Variants in TSPAN9 observed in about 807,000 individuals in gnomAD.
TSPAN9 encodes the protein tetraspanin-9.
Under a neutral mutation model 31.0 loss-of-function variants are expected in TSPAN9, and 16 were observed. The observed-to-expected ratio is 0.52, with a 90% CI of 0.35 to 0.78. The LOEUF is 0.78. Among genes scored for constraint, TSPAN9 ranks in the 30% least tolerant of loss-of-function variants. The pLI, the probability that TSPAN9 is intolerant of heterozygous loss-of-function variation, is 0.01. For synonymous variants in TSPAN9, 145 were observed against 121.6 expected (o/e 1.19, Z -1.27); for missense variants, 272 against 312.5 (o/e 0.87, Z 0.98).
chr12:3,228,539 A>G (rs1311815940), intron 3 of TSPAN9, among the ~76,000 whole-genome samples: 1 of 152,142 alleles, frequency 6.6e-6, no homozygotes, highest in Non-Finnish European at 1.5e-5. Context: ...TCCCCACCCC[A>G]TGGGGTGGAT....
chr12:3,117,681 G>T (rs546215785), intron 2 of TSPAN9, among the ~76,000 whole-genome samples: 14 of 152,282 alleles, frequency 9.2e-5, no homozygotes, highest in African/African-American at 3.4e-4. Context: ...GCTCCAGGCT[G>T]ATTTACATAA....
intron 3 of TSPAN9, among the ~76,000 whole-genome samples, chr12:3,256,741 A>G (rs930803132): frequency 2.6e-5 from 4 of 152,090 alleles, no homozygotes; most frequent in Non-Finnish European, 5.9e-5. Context: ...AGTCACGACT[A>G]TTTCGCATTG....
In TSPAN9 at chr12:3,192,342, A is replaced by G. The variant is rs77391676; in HGVS notation, c.-17-8835A>G. Among the ~76,000 whole-genome samples, 14,290 of 152,108 alleles carry G rather than the reference A, an allele frequency of 0.094. 988 individuals carry two copies. Among genetic ancestry groups the G allele is most frequent in the Admixed American group, 0.22 (3,363 of 15,282 alleles). On this transcript the variant is annotated intron_variant, in intron 2 of 8. Coordinates refer to ENST00000011898, the MANE Select transcript of TSPAN9 (RefSeq NM_006675.5). The surrounding 1 kb of genome is among the most constrained non-coding windows in gnomAD (Gnocchi z 4.6). The stretch of plus-strand genomic sequence containing the variant: ...ATGGGTGGGCGCAGGAGGGAATGGA[A>G]GGCTGCAGGGGCTGCCGCAGGACCC...
chr12:3,174,824 C>T (rs916034591), intron 2 of TSPAN9, among the ~76,000 whole-genome samples: 10 of 151,544 alleles, frequency 6.6e-5, no homozygotes, highest in African/African-American at 2.2e-4. Flanking sequence ...CCTCGTGATC[C>T]TCCCGCCTCG....
At chr12:3,219,107 G>C (rs1328256427) in intron 3 of TSPAN9, among the ~76,000 whole-genome samples, 1 of 152,228 alleles carries the variant, frequency 6.6e-6, no homozygotes, top group Non-Finnish European at 1.5e-5. Context: ...CCCGTGGGCG[G>C]CCGGGGGAGG....
rs972991268 is a variant in TSPAN9, at chr12:3,190,388, C to A, written c.-17-10789C>A. 4.6e-5 allele frequency among the ~76,000 whole-genome samples: 7 copies of A among 152,404 alleles called. No individual in the cohort carries two copies. In the East Asian group the frequency reaches 5.8e-4, roughly 13 times the overall value. ...CTTATCTCATCCTCCCCGCAGCCAC[C>A]TGCCTTCCTTGATAAGTACTAATAA... On this transcript the variant is annotated intron_variant, in intron 2 of 8. Coordinates refer to ENST00000011898, the MANE Select transcript of TSPAN9 (RefSeq NM_006675.5).
intron 3 of TSPAN9, among the ~76,000 whole-genome samples, chr12:3,226,147 G>T (rs905089597): frequency 2.0e-5 from 3 of 152,068 alleles, no homozygotes; most frequent in Non-Finnish European, 4.4e-5. Flanking sequence ...AGTGCAGAGG[G>T]AGGAGATGGG....
At position 3,098,559 on chromosome 12, in the gene TSPAN9, G is replaced by A. The variant is rs564272909; in HGVS notation, c.-18+14840G>A. The stretch of plus-strand genomic sequence containing the variant: ...CCTGAGACCCACAGAGCCTGCTGGG[G>A]ACTGACATCTGCTCCCATCCAGCCT... On this transcript the variant is annotated intron_variant, in intron 2 of 8. Coordinates refer to ENST00000011898, the MANE Select transcript of TSPAN9 (RefSeq NM_006675.5). 2.4e-3 allele frequency among the ~76,000 whole-genome samples: 367 copies of A among 152,306 alleles called. 2 individuals carry two copies. The highest frequency in any genetic ancestry group is 3.7e-3 in the Non-Finnish European group (252 of 68,028).
At chr12:3,176,041 C>G (rs542839834) in intron 2 of TSPAN9, among the ~76,000 whole-genome samples, 253 of 152,312 alleles carry the variant, frequency 1.7e-3, no homozygotes, top group African/African-American at 5.4e-3. Context: ...GAATGAGATT[C>G]GTCCCAGCCC....
chr12:3,107,317 C>T lies in TSPAN9; in HGVS notation c.-18+23598C>T, dbSNP rs1477545532. 2.6e-5 allele frequency among the ~76,000 whole-genome samples: 4 copies of T among 152,148 alleles called. No individual in the cohort carries two copies. The highest frequency in any genetic ancestry group is 4.1e-4 in the South Asian group (2 of 4,828). On this transcript the variant is annotated intron_variant, in intron 2 of 8. Coordinates refer to ENST00000011898, the MANE Select transcript of TSPAN9 (RefSeq NM_006675.5). The surrounding 1 kb of genome is among the most constrained non-coding windows in gnomAD (Gnocchi z 4.1). ...TCGAAATCCAGCGAGTGAAAATCTGCGTGAAAACCTGAGGTCTGCCAGGCG... is the reference window on the plus strand; with the variant it reads ...TCGAAATCCAGCGAGTGAAAATCTGTGTGAAAACCTGAGGTCTGCCAGGCG...
At chr12:3,127,360 A>AT (rs149085011) in intron 2 of TSPAN9, among the ~76,000 whole-genome samples, 131 of 150,722 alleles carry the variant, frequency 8.7e-4, no homozygotes, top group African/African-American at 3.0e-3. Flanking sequence ...TTAAAGAAAA[A>AT]TTTTTTTTTT....
At chr12:3,216,274 T>G (rs1172758889) in intron 3 of TSPAN9, among the ~76,000 whole-genome samples, 1 of 152,232 alleles carries the variant, frequency 6.6e-6, no homozygotes, top group Non-Finnish European at 1.5e-5. Flanking sequence ...GACTACTGAC[T>G]AAGCAGCCAG....
chr12:3,134,947 G>A (rs777662847), intron 2 of TSPAN9, among the ~76,000 whole-genome samples: 6 of 152,184 alleles, frequency 3.9e-5, no homozygotes, highest in African/African-American at 7.2e-5. Context: ...CATGGCAAAC[G>A]CAGGGGCTGG....
chr12:3,146,533 T>C (rs1039259566), intron 2 of TSPAN9, among the ~76,000 whole-genome samples: 10 of 152,212 alleles, frequency 6.6e-5, no homozygotes, highest in South Asian at 4.1e-4. Context: ...CAAGATCCGA[T>C]TGATGAAGAC....
chr12:3,257,077 G>T (rs1249658670), intron 3 of TSPAN9, among the ~76,000 whole-genome samples: 2 of 152,122 alleles, frequency 1.3e-5, no homozygotes, highest in African/African-American at 2.4e-5. Context: ...TTAGGAGACC[G>T]CTCCCCACCA....
chr12:3,118,031 C>G (rs2098323212), intron 2 of TSPAN9, among the ~76,000 whole-genome samples: 1 of 151,976 alleles, frequency 6.6e-6, no homozygotes, highest in Non-Finnish European at 1.5e-5. Flanking sequence ...CCTGGGCCTG[C>G]CACTCTCCAG....
intron 2 of TSPAN9, among the ~76,000 whole-genome samples, chr12:3,103,213 C>G (rs532482776): frequency 1.1e-4 from 16 of 152,330 alleles, no homozygotes; most frequent in African/African-American, 2.9e-4. Context: ...GCTGCCGTCA[C>G]CAGTTCCTGC....
chr12:3,195,091 G>C (rs2098366436), intron 2 of TSPAN9, among the ~76,000 whole-genome samples: 2 of 152,220 alleles, frequency 1.3e-5, no homozygotes, highest in Admixed American at 1.3e-4. Context: ...CTGAACCCTG[G>C]CTTTGTGGGA....
chr12:3,240,602 A>G (rs1383964700), intron 3 of TSPAN9, among the ~76,000 whole-genome samples: 12 of 152,174 alleles, frequency 7.9e-5, no homozygotes, highest in Non-Finnish European at 1.6e-4. Context: ...GTCTGTCGCT[A>G]TACTACCTCT....
Sources: gnomAD v4.1 joint callset for allele counts (sites outside exome capture counted in the v4.1 genomes callset) on GRCh38, gnomAD v4.1.1 for gene constraint, Gnocchi (gnomAD v3.1) non-coding constraint, MANE v1.5 for transcripts, NCBI Gene and HGNC (gene_info 2026-07-23, HGNC 2026-07-21) for gene names.